MAGI2: variants seen among roughly 807,000 people sequenced by gnomAD.
MAGI2 encodes the protein membrane associated guanylate kinase, WW and PDZ domain containing 2, also known as membrane-associated guanylate kinase, WW and PDZ domain-containing protein 2.
MAGI2 carries 35 observed loss-of-function variants against 133.3 expected under a neutral mutation model. The ratio of observed to expected loss-of-function variants is 0.26; its 90% CI spans 0.20 to 0.35. The LOEUF (loss-of-function observed/expected upper bound fraction) is 0.35, where lower values mean the gene tolerates loss of function less well. Ranked by LOEUF, MAGI2 falls within the 10% of genes least tolerant of loss-of-function variation. MAGI2 has a pLI of 1.00. For synonymous variants in MAGI2, 729 were observed against 710.6 expected, an observed-to-expected ratio of 1.03 and a Z score of -0.41; for missense variants, 1,636 against 1,863.4, an observed-to-expected ratio of 0.88 and a Z score of 2.25.
intron 9 of MAGI2, among the ~76,000 whole-genome samples, chr7:78,268,784 CAT>C (rs1244636324): frequency 1.3e-5 from 2 of 151,970 alleles, no homozygotes; most frequent in South Asian, 2.1e-4. Flanking sequence ...ATAATGTAAA[CAT>C]AGATTATTTT....
chr7:79,071,870 A>G (rs143941873), intron 1 of MAGI2, among the ~76,000 whole-genome samples: 44 of 152,236 alleles, frequency 2.9e-4, no homozygotes, highest in African/African-American at 9.1e-4. Context: ...GAAAATTTCA[A>G]GCCTGTGGAT....
chr7:78,905,340 C>T (rs182622839), intron 2 of MAGI2, among the ~76,000 whole-genome samples: 1 of 152,312 alleles, frequency 6.6e-6, no homozygotes, highest in African/African-American at 2.4e-5. Flanking sequence ...ACCTTGACCC[C>T]AAGGTTAGGA....
chr7:78,297,644 C>T (rs1478414868), intron 9 of MAGI2, among the ~76,000 whole-genome samples: 1 of 151,620 alleles, frequency 6.6e-6, no homozygotes, highest in Non-Finnish European at 1.5e-5. Flanking sequence ...GAATACTATG[C>T]AGCCATAAAA....
At chr7:78,813,785 C>CA (rs36107160) in intron 2 of MAGI2, among the ~76,000 whole-genome samples, 34,705 of 96,688 alleles carry the variant, frequency 0.36, 6,124 homozygotes, top group East Asian at 0.48. Flanking sequence ...GATTCTGTCT[C>CA]AAAAAAAAAA....
intron 2 of MAGI2, among the ~76,000 whole-genome samples, chr7:78,779,971 T>C (rs1405106151): frequency 6.6e-6 from 1 of 152,214 alleles, no homozygotes; most frequent in East Asian, 1.9e-4. Flanking sequence ...TACTTTTTAC[T>C]GCACTATGCT....
intron 1 of MAGI2, among the ~76,000 whole-genome samples, chr7:79,281,360 T>A (rs2129557997): frequency 6.6e-6 from 1 of 152,186 alleles, no homozygotes; most frequent in South Asian, 2.1e-4. Flanking sequence ...CCTGAGACAA[T>A]TCTGGGACAC....
chr7:78,941,632 G>T (rs185555423), intron 2 of MAGI2, among the ~76,000 whole-genome samples: 1 of 151,840 alleles, frequency 6.6e-6, no homozygotes, highest in East Asian at 2.0e-4. Flanking sequence ...CACTCTGCCC[G>T]GCTGATAATT....
chr7:79,365,271 T>C (rs563959507), intron 1 of MAGI2, among the ~76,000 whole-genome samples: 4 of 152,298 alleles, frequency 2.6e-5, no homozygotes, highest in East Asian at 1.9e-4. Flanking sequence ...ACTGAATCAA[T>C]TGAATATTGT....
At chr7:79,355,285 C>T (rs1484003177) in intron 1 of MAGI2, among the ~76,000 whole-genome samples, 3 of 152,084 alleles carry the variant, frequency 2.0e-5, no homozygotes, top group Admixed American at 1.3e-4. Context: ...AGAGGAAAAA[C>T]ATGGGAGCAT....
At chr7:78,138,590 T>G (rs1481191814) in intron 16 of MAGI2, among the ~76,000 whole-genome samples, 1 of 150,440 alleles carries the variant, frequency 6.6e-6, no homozygotes, top group African/African-American at 2.5e-5. Flanking sequence ...TAAAATTTAT[T>G]GGGCATAAAA....
intron 2 of MAGI2, among the ~76,000 whole-genome samples, chr7:79,004,256 T>A (rs1807200246): frequency 6.6e-6 from 1 of 152,140 alleles, no homozygotes; most frequent in South Asian, 2.1e-4. Context: ...TATATATAGA[T>A]GATGGAATAC....
chr7:79,138,366 T>C (rs1287644871), intron 1 of MAGI2, among the ~76,000 whole-genome samples: 1 of 152,180 alleles, frequency 6.6e-6, no homozygotes, highest in Non-Finnish European at 1.5e-5. Context: ...TAAAACTGTA[T>C]TCCCTTTCTG....
intron 1 of MAGI2, among the ~76,000 whole-genome samples, chr7:79,115,449 A>G (rs189881508): frequency 3.2e-4 from 49 of 152,316 alleles, no homozygotes; most frequent in African/African-American, 9.6e-4. Flanking sequence ...TCTTAAATTA[A>G]TTGTTAGAAG....
intron 16 of MAGI2, among the ~76,000 whole-genome samples, chr7:78,154,407 C>A (rs1186240767): frequency 6.6e-6 from 1 of 152,180 alleles, no homozygotes; most frequent in African/African-American, 2.4e-5. Flanking sequence ...GCGTGCTGAC[C>A]AGTGATGCAC....
intron 20 of MAGI2, among the ~76,000 whole-genome samples, chr7:78,110,936 C>T (rs1430446564): frequency 6.6e-6 from 1 of 152,166 alleles, no homozygotes; most frequent in Non-Finnish European, 1.5e-5. Flanking sequence ...AGTCGCTCTG[C>T]CATGCAAACC....
chr7:79,038,157 T>G (rs1240357614), intron 1 of MAGI2, among the ~76,000 whole-genome samples: 1 of 152,224 alleles, frequency 6.6e-6, no homozygotes, highest in Non-Finnish European at 1.5e-5. Flanking sequence ...TTATTTCATC[T>G]TCATTAGCTG....
At chr7:78,154,002 C>T (rs933687863) in intron 16 of MAGI2, among the ~76,000 whole-genome samples, 1 of 152,160 alleles carries the variant, frequency 6.6e-6, no homozygotes, top group South Asian at 2.1e-4. Flanking sequence ...TTTGTGCCTC[C>T]TCTAATTTCA....
intron 21 of MAGI2, among the ~76,000 whole-genome samples, chr7:78,041,751 T>C (rs1452688710): frequency 1.3e-5 from 2 of 152,224 alleles, no homozygotes; most frequent in African/African-American, 4.8e-5. Context: ...GTTGGTGGGC[T>C]GTGGCCAGAA....
chr7:78,495,176 A>G (rs1563081699), intron 5 of MAGI2, among the ~76,000 whole-genome samples: 1 of 152,126 alleles, frequency 6.6e-6, no homozygotes, highest in Admixed American at 6.5e-5. Context: ...GGTTTGTTGC[A>G]TAGGTATACA....
Sources: allele counts gnomAD v4.1 joint callset (sites outside exome capture counted in the v4.1 genomes callset), GRCh38; gene constraint gnomAD v4.1.1; transcripts MANE v1.5; gene names NCBI Gene and HGNC (gene_info 2026-07-23, HGNC 2026-07-21).